The following RPS3A variants were observed in gnomAD, a reference collection of about 807,000 sequenced individuals.
The protein encoded by RPS3A is ribosomal protein S3A, also known as small ribosomal subunit protein eS1.
In RPS3A, 1 loss-of-function variant was observed where a neutral mutation model predicts 26.4. The ratio of observed to expected loss-of-function variants is 0.04; its 90% CI spans 0.01 to 0.18. The LOEUF (loss-of-function observed/expected upper bound fraction) is 0.18, where lower values mean the gene tolerates loss of function less well. Among genes scored for constraint, RPS3A ranks in the 10% least tolerant of loss-of-function variants. The pLI is 1.00. For missense variants in RPS3A, 139 were observed against 326.8 expected (o/e 0.43, Z 4.43); for synonymous variants, 97 against 106.1 (o/e 0.91, Z 0.53).
intron 4 of RPS3A, chr4:151,103,931 A>C: frequency 6.6e-7 from 1 of 1,514,178 alleles, no homozygotes; most frequent in Non-Finnish European, 8.9e-7. Flanking sequence ...TGTAATGGAA[A>C]AAGCATAAGG....
rs774176378 is a variant in RPS3A at position 151,101,108 on chromosome 4, C to T, written c.300C>T (p.Phe100=). The change falls in exon 3 of 6, where the codon TTC becomes TTT. Residue 100 remains phenylalanine, a synonymous_variant. Transcript: ENST00000274065. ...AGGGTAAAAACTGCCTGACTAACTTCCATGGCATGGATCTTACCCGTGACA... is the reference window on the plus strand; with the variant it reads ...AGGGTAAAAACTGCCTGACTAACTTTCATGGCATGGATCTTACCCGTGACA... ...DVQGKNCLTN[F]HGMDLTRDKM... is the part of the protein sequence containing the mutation. The T allele has an allele frequency of 1.4e-5, 22 of 1,607,998 alleles. No individual in the cohort carries two copies. The East Asian group carries it at 3.8e-4, about 28-fold the overall frequency.
intron 4 of RPS3A, 167 bp from the exon 5 acceptor site, chr4:151,104,010 C>A (rs750160985): frequency 6.7e-7 from 1 of 1,496,846 alleles, no homozygotes; most frequent in South Asian, 1.3e-5. Context: ...CTATCCTTTA[C>A]ATGTGAAAGG....
intron 5 of RPS3A, 54 bp downstream of exon 5, chr4:151,104,340 G>A: frequency 6.3e-7 from 1 of 1,584,040 alleles, no homozygotes; most frequent in Non-Finnish European, 8.6e-7. Context: ...TTTTTGGGTG[G>A]AGGAGGAGTG....
At position 151,100,982 on chromosome 4, in the gene RPS3A, A is replaced by G. The variant is rs1245512498; in HGVS notation, c.174A>G (p.Ala58=). 4 of 1,572,640 alleles carry G rather than the reference A, an allele frequency of 2.5e-6. No homozygotes were observed. ...LVTRTQGTKI[A]SDGLKGRVFE... ...TGTTTTTTTCTTTTGTAGAAATTGC[A>G]TCTGATGGTCTCAAGGGTCGTGTGT... is the stretch of plus-strand genomic sequence containing the variant. Residue 58 remains alanine (A), a synonymous_variant, in exon 3 of 6, where the codon GCA becomes GCG. Coordinates refer to ENST00000274065, the MANE Select transcript of RPS3A (RefSeq NM_001006.5).
rs558617473 is a variant in RPS3A at position 151,104,423 on chromosome 4, T to C, written c.674-49T>C. The C allele has an allele frequency of 8.4e-5, 111 of 1,328,554 alleles. No individual in the cohort carries two copies. The East Asian group carries it at 1.4e-3, about 16-fold the overall frequency. The allele number at this position is 1,328,554 out of a possible 1,614,324, so 82.3% of individuals were successfully genotyped here. A position where few individuals can be genotyped will look rare whatever the true frequency, so the allele number is the denominator to read the frequency against. ...TAGTGATGACCATTATTTCAAGATA[T>C]ACTAACAGTTTTTTGGTTTTTTTTT... On this transcript the variant is annotated intron_variant, in intron 5 of 5. Transcript: ENST00000274065.
In RPS3A at chr4:151,104,439, G is replaced by GTTTTTTTTTTT. The variant is rs386401872; in HGVS notation, c.674-20_674-10dup. 2.5e-3 allele frequency: 1,765 copies of GTTTTTTTTTTT among 711,388 alleles called. 42 individuals carry two copies. Among genetic ancestry groups the GTTTTTTTTTTT allele is most frequent in the Admixed American group, 5.5e-3 (67 of 12,090 alleles). 44.1% of individuals were successfully genotyped at this position (711,388 alleles called of 1,614,324 possible). On this transcript the variant is annotated intron_variant, in intron 5 of 5. Coordinates refer to ENST00000274065, the MANE Select transcript of RPS3A (RefSeq NM_001006.5). ...TTCAAGATATACTAACAGTTTTTTG[G>GTTTTTTTTTTT]TTTTTTTTTTTTTTTTTTTTTTTGC...
At position 151,099,897 on chromosome 4, in the gene RPS3A, C is replaced by T. The variant is rs531329538; in HGVS notation, c.62+183C>T. 15 of 675,446 alleles carry T rather than the reference C, an allele frequency of 2.2e-5. No individual in the cohort carries two copies. The East Asian group carries it at 3.0e-4, about 14-fold the overall frequency. The allele number at this position is 675,446 out of a possible 1,614,324, so 41.8% of individuals were successfully genotyped here. ...TGTTGAGTAGCGGCAGGTCGGCTGC[C>T]TTTCCCAGGCCTTCTGGTCCTTGCG... On this transcript the variant is annotated intron_variant, in intron 1 of 5. Coordinates refer to ENST00000274065, the MANE Select transcript of RPS3A (RefSeq NM_001006.5).
At chr4:151,103,174 T>G (rs4696658) in intron 4 of RPS3A, 95 bp downstream of exon 4, 1,269,463 of 1,481,390 alleles carry the variant, frequency 0.86, 558,519 homozygotes, top group Non-Finnish European at 0.91. Context: ...AAAGGTCTGT[T>G]GAAATCCTGT....
At chr4:151,099,742 CT>C (rs775565708) in intron 1 of RPS3A, 28 bp downstream of exon 1, 79 of 1,602,320 alleles carry the variant, frequency 4.9e-5, no homozygotes, top group Middle Eastern at 1.7e-4. Flanking sequence ...TGGCGTCTTG[CT>C]TTTTGGGGGT....
In RPS3A at chr4:151,101,069, T is replaced by C; in HGVS notation, c.261T>C (p.Ile87=). ...DEVAFRKFKL[I]TEDVQGKNCL... ...TTGCATTTAGAAAATTCAAGCTGAT[T>C]ACTGAAGATGTTCAGGGTAAAAACT... Residue 87 remains isoleucine, a synonymous_variant, in exon 3 of 6, where the codon ATT becomes ATC. Coordinates refer to ENST00000274065, the MANE Select transcript of RPS3A (RefSeq NM_001006.5). 6.3e-7 allele frequency: 1 copy of C among 1,596,450 alleles called. No individual in the cohort carries two copies. The highest frequency in any genetic ancestry group is 1.3e-5 in the African/African-American group (1 of 74,846).
intron 4 of RPS3A, chr4:151,103,897 G>T: frequency 6.8e-7 from 1 of 1,461,662 alleles, no homozygotes; most frequent in Non-Finnish European, 9.2e-7. Flanking sequence ...ATGTTCCCAT[G>T]CAATATACAG....
chr4:151,104,202 A>T lies in RPS3A; in HGVS notation c.589A>T (p.Ile197Leu). 1 of 1,611,780 alleles carries T rather than the reference A, an allele frequency of 6.2e-7. No individual in the cohort carries two copies. The highest frequency in any genetic ancestry group is 8.5e-7 in the Non-Finnish European group (1 of 1,179,542). Reference sequence around the variant, plus strand: ...GATTCCAGACAGCATTGGAAAAGACATAGAAAAGGCTTGCCAATCTATTTA... The same window carrying T: ...GATTCCAGACAGCATTGGAAAAGACTTAGAAAAGGCTTGCCAATCTATTTA... ...KLIPDSIGKD[I>L]EKACQSIYPL... The change falls in exon 5 of 6, where the codon ATA becomes TTA. Residue 197 changes from isoleucine to leucine, a missense_variant. Physicochemically the swap from Ile to Leu is conservative, Grantham distance 5. This residue lies in a region of RPS3A where 96 missense variants were observed against 209.8 expected (regional missense o/e 0.46). Transcript: ENST00000274065.
intron 3 of RPS3A, among the ~76,000 whole-genome samples, chr4:151,101,805 T>G (rs1002593085): frequency 2.6e-5 from 4 of 152,314 alleles, no homozygotes; most frequent in Admixed American, 2.6e-4. Context: ...CCATCTCTGC[T>G]CACTGCAACC....
chr4:151,101,890 G>A (rs979483889), intron 3 of RPS3A, among the ~76,000 whole-genome samples: 3 of 151,930 alleles, frequency 2.0e-5, no homozygotes, highest in African/African-American at 2.4e-5. Flanking sequence ...CCGCCACCAC[G>A]CCCAGCTAAT....
intron 2 of RPS3A, 150 bp downstream of exon 2, chr4:151,100,738 T>C (rs760786783): frequency 2.2e-4 from 142 of 643,582 alleles, no homozygotes; most frequent in Non-Finnish European, 3.7e-4. Context: ...TGATCATTTT[T>C]AGTACAGCAC....
intron 4 of RPS3A, 23 bp downstream of exon 4, chr4:151,103,102 A>C: frequency 6.3e-7 from 1 of 1,587,704 alleles, no homozygotes; most frequent in South Asian, 1.1e-5. Flanking sequence ...TTGCTTCCTC[A>C]CACAACACAA....
rs369867797 is a variant in RPS3A at position 151,099,664 on chromosome 4, C to T, written c.12C>T (p.Gly4=). MAV[G]KNKRLTKGGK... ...CTCTGACCAGCACCATGGCGGTTGG[C>T]AAGAACAAGCGCCTTACGAAAGGCG... The change falls in exon 1 of 6, where the codon GGC becomes GGT. Residue 4 remains glycine, a synonymous_variant. Transcript: ENST00000274065. 2.0e-4 allele frequency: 321 copies of T among 1,613,950 alleles called. 4 individuals are homozygous for T. In the South Asian group the frequency reaches 2.4e-3, roughly 12 times the overall value.
Position 151,103,172 on chromosome 4 carries a change from G to A in RPS3A, c.563+93G>A, listed in dbSNP as rs933566802. The stretch of plus-strand genomic sequence containing the variant: ...CGCATATGAGACAAGGTAAAGGTCT[G>A]TTGAAATCCTGTCTGTGAATCCTTC... On this transcript the variant is annotated intron_variant, in intron 4 of 5. Coordinates refer to ENST00000274065, the MANE Select transcript of RPS3A (RefSeq NM_001006.5). 49 of 1,490,730 alleles carry A rather than the reference G, an allele frequency of 3.3e-5. No individual in the cohort carries two copies. In the South Asian group the frequency reaches 6.5e-4, roughly 20 times the overall value. The allele number at this position is 1,490,730 out of a possible 1,614,324, so 92.3% of individuals were successfully genotyped here.
rs777875903 is a variant in RPS3A at position 151,100,563 on chromosome 4, G to A, written c.141G>A (p.Thr47=). 1 of 1,598,550 alleles carries A rather than the reference G, an allele frequency of 6.3e-7. No individual in the cohort carries two copies. Among genetic ancestry groups the A allele is most frequent in the Non-Finnish European group, 8.6e-7 (1 of 1,165,926 alleles). Residue 47 remains threonine (T), a synonymous_variant, in exon 2 of 6, where the codon ACG becomes ACA. Transcript: ENST00000274065. The part of the protein sequence containing the change: ...AMFNIRNIGK[T]LVTRTQGTKI... ...TCAATATAAGAAATATTGGAAAGAC[G>A]CTCGTCACCAGGACCCAAGGAACCA...
Sources: allele counts gnomAD v4.1 joint callset (sites outside exome capture counted in the v4.1 genomes callset), GRCh38; gene constraint gnomAD v4.1.1; regional missense constraint gnomAD v4.1.1; transcripts MANE v1.5; gene names NCBI Gene and HGNC (gene_info 2026-07-23, HGNC 2026-07-21).